Variants in PHACTR2 observed in about 807,000 individuals in gnomAD.
PHACTR2 encodes the protein phosphatase and actin regulator 2, also known as chromosome 6 open reading frame 56.
PHACTR2 carries 30 observed loss-of-function variants against 76.0 expected under a neutral mutation model. The observed-to-expected ratio is 0.39, with a 90% CI of 0.30 to 0.54. The LOEUF is 0.54. PHACTR2 is among the 20% of genes least tolerant of loss of function. PHACTR2 has a pLI of 0.61. For missense variants in PHACTR2, 696 were observed against 781.1 expected (o/e 0.89, Z 1.30); for synonymous variants, 292 against 292.5 (o/e 1.00, Z 0.02).
In PHACTR2 at chr6:143,791,435, G is replaced by A. The variant is rs1421470623; in HGVS notation, c.1845+2525G>A. Among the ~76,000 whole-genome samples, 1 of 152,196 alleles carries A rather than the reference G, an allele frequency of 6.6e-6. No individual in the cohort carries two copies. Among genetic ancestry groups the A allele is most frequent in the Non-Finnish European group, 1.5e-5 (1 of 68,028 alleles). The stretch of plus-strand genomic sequence containing the variant: ...GAATCACCTATAGATCTTTAAGAAT[G>A]TGGATGTCTGGGTCCCATCTCCAGA... On this transcript the variant is annotated intron_variant, in intron 11 of 12. Transcript: ENST00000440869. The surrounding 1 kb of genome is among the most constrained non-coding windows in gnomAD (Gnocchi z 4.7).
Position 143,765,595 on chromosome 6 carries a change from A to G in PHACTR2, c.1029A>G (p.Ala343=), listed in dbSNP as rs767879986. Residue 343 remains alanine (A), a synonymous_variant, in exon 6 of 13, where the codon GCA becomes GCG. Coordinates refer to ENST00000440869, the MANE Select transcript of PHACTR2 (RefSeq NM_001100164.2). This position sits in a 1 kb window ranked among gnomAD's most constrained non-coding sequence, Gnocchi z 4.1. ...TCCCTCCACCCCCTGTGGCTCCAGCACCTTCTCCTCTGGCCCCCCCTCTCC... is the reference window on the plus strand; with the variant it reads ...TCCCTCCACCCCCTGTGGCTCCAGCGCCTTCTCCTCTGGCCCCCCCTCTCC... ...SMVPPPPVAP[A]PSPLAPPLPL... The G allele has an allele frequency of 1.9e-6, 3 of 1,613,794 alleles. No homozygotes were observed. The Admixed American group carries it at 5.0e-5, about 27-fold the overall frequency.
In PHACTR2 at chr6:143,561,197, T is replaced by C. The variant is rs1157537649; in HGVS notation, c.217+23990T>C. ...GACCTTGGCGGGATGCTTGAACCAT[T>C]CTGCCCTTTCAGAAGGTTCTGCCCC... is the stretch of plus-strand genomic sequence containing the variant. On this transcript the variant is annotated intron_variant, in intron 1 of 11. Transcript: ENST00000367584. This position sits in a 1 kb window ranked among gnomAD's most constrained non-coding sequence, Gnocchi z 4.1. 3 of 152,280 alleles carry C rather than the reference T, an allele frequency of 2.0e-5. No individual in the cohort carries two copies. The highest frequency in any genetic ancestry group is 4.4e-5 in the Non-Finnish European group (3 of 68,152). 9.4% of individuals were successfully genotyped at this position (152,280 alleles called of 1,614,324 possible). A position where few individuals can be genotyped will look rare whatever the true frequency, so the allele number is the denominator to read the frequency against.
intron 1 of PHACTR2, among the ~76,000 whole-genome samples, chr6:143,612,818 T>TG (rs1037618568): frequency 2.1e-5 from 2 of 95,384 alleles, no homozygotes; most frequent in Non-Finnish European, 5.7e-5. Context: ...TCCTCTGAAA[T>TG]GCCTTTATGT....
chr6:143,667,696 G>A (rs1315202604), intron 1 of PHACTR2, among the ~76,000 whole-genome samples: 1 of 152,200 alleles, frequency 6.6e-6, no homozygotes, highest in Non-Finnish European at 1.5e-5. Context: ...TGATGTATAG[G>A]AATGCTTATG....
intron 1 of PHACTR2, among the ~76,000 whole-genome samples, chr6:143,615,696 C>A (rs1306606654): frequency 6.6e-6 from 1 of 151,982 alleles, no homozygotes; most frequent in Non-Finnish European, 1.5e-5. Context: ...ATGGAAAGAG[C>A]CTTTCCCATA....
rs557287195 is a variant in PHACTR2 at position 143,652,960 on chromosome 6, G to A, written c.13+44638G>A. Among the ~76,000 whole-genome samples the A allele has an allele frequency of 2.6e-5, 4 of 152,320 alleles. No individual in the cohort carries two copies. The South Asian group carries it at 6.2e-4, about 24-fold the overall frequency. ...TCACATTATTTCCAGCTGGATTGAG[G>A]CTGGAAGCTCCCTGGCAAGCAATAG... On this transcript the variant is annotated intron_variant, in intron 1 of 11. Coordinates refer to the PHACTR2 transcript ENST00000305766. This position sits in a 1 kb window ranked among gnomAD's most constrained non-coding sequence, Gnocchi z 4.5.
chr6:143,805,390 A>G (rs1776041699), intron 11 of PHACTR2, among the ~76,000 whole-genome samples: 1 of 151,586 alleles, frequency 6.6e-6, no homozygotes. Context: ...GAGGCAGGAG[A>G]ATCACTTGAA....
Position 143,652,718 on chromosome 6 carries a change from A to G in PHACTR2, c.13+44396A>G, listed in dbSNP as rs1156700082. 6.6e-6 allele frequency among the ~76,000 whole-genome samples: 1 copy of G among 152,262 alleles called. No homozygotes were observed. The highest frequency in any genetic ancestry group is 1.5e-5 in the Non-Finnish European group (1 of 68,044). On this transcript the variant is annotated intron_variant, in intron 1 of 11. Transcript: ENST00000305766. This position sits in a 1 kb window ranked among gnomAD's most constrained non-coding sequence, Gnocchi z 4.5. The stretch of plus-strand genomic sequence containing the variant: ...GAAGAGCTGAGATTTCACCAGAAAC[A>G]GTGACATTCACACCCAGGGGCTGAA...
rs556190502 is a variant in PHACTR2 at position 143,742,185 on chromosome 6, T to G, written c.215-6800T>G. Among the ~76,000 whole-genome samples, 4 of 149,142 alleles carry G rather than the reference T, an allele frequency of 2.7e-5. No individual in the cohort carries two copies. The highest frequency in any genetic ancestry group is 1.0e-4 in the African/African-American group (4 of 40,040). The stretch of plus-strand genomic sequence containing the variant: ...TCACTGCTGATGAATCATGACAAAC[T>G]TAATGAAAGAGAGAACTCATTGGCT... On this transcript the variant is annotated intron_variant, in intron 2 of 12. Coordinates refer to ENST00000440869, the MANE Select transcript of PHACTR2 (RefSeq NM_001100164.2). The surrounding 1 kb of genome is among the most constrained non-coding windows in gnomAD (Gnocchi z 4.5).
At chr6:143,574,004 G>T (rs1775478738) in intron 1 of PHACTR2, among the ~76,000 whole-genome samples, 1 of 152,200 alleles carries the variant, frequency 6.6e-6, no homozygotes, top group Non-Finnish European at 1.5e-5. Flanking sequence ...GAGCAGCTCA[G>T]CTGGGTTCTC....
At position 143,797,944 on chromosome 6, in the gene PHACTR2, G is replaced by T. The variant is rs947690036; in HGVS notation, c.1845+9034G>T. Among the ~76,000 whole-genome samples the T allele has an allele frequency of 1.6e-4, 24 of 152,184 alleles. 1 individual carries two copies. Among genetic ancestry groups the T allele is most frequent in the Admixed American group, 3.3e-4 (5 of 15,280 alleles). ...TTCCAATTCTGTGAAGAAAGTCAGT[G>T]GTAGCTGGATGGGGATAGCATTGAA... On this transcript the variant is annotated intron_variant, in intron 11 of 12. Coordinates refer to ENST00000440869, the MANE Select transcript of PHACTR2 (RefSeq NM_001100164.2).
At position 143,681,670 on chromosome 6, in the gene PHACTR2, C is replaced by T. The variant is rs76927151; in HGVS notation, c.46+3461C>T. 3.3e-5 allele frequency among the ~76,000 whole-genome samples: 5 copies of T among 152,314 alleles called. No homozygotes were observed. The East Asian group carries it at 9.6e-4, about 29-fold the overall frequency. On this transcript the variant is annotated intron_variant, in intron 1 of 12. Transcript: ENST00000440869. ...TCTGAGAACTACAGCCTAACCAAGG[C>T]AAGAAGACTTACACCTGTGTTTTCT...
chr6:143,749,395 T>G (rs967902784), intron 3 of PHACTR2, among the ~76,000 whole-genome samples: 1 of 152,218 alleles, frequency 6.6e-6, no homozygotes, highest in Non-Finnish European at 1.5e-5. Context: ...AGTCTTTCTA[T>G]TCACATGAAA....
chr6:143,640,301 T>A (rs944336934), intron 1 of PHACTR2, among the ~76,000 whole-genome samples: 2 of 152,232 alleles, frequency 1.3e-5, no homozygotes, highest in Non-Finnish European at 2.9e-5. Flanking sequence ...AAAAGGTCAC[T>A]GTAAAACAGC....
intron 1 of PHACTR2, among the ~76,000 whole-genome samples, chr6:143,638,991 A>G (rs1396414950): frequency 1.3e-5 from 2 of 152,240 alleles, no homozygotes; most frequent in South Asian, 2.1e-4. Flanking sequence ...TATGAATGAC[A>G]TTATCTCCTT....
At position 143,788,809 on chromosome 6, in the gene PHACTR2, C is replaced by T. The variant is rs776490872; in HGVS notation, c.1744C>T (p.Arg582Ter). 2.5e-6 allele frequency: 4 copies of T among 1,613,578 alleles called. No individual in the cohort carries two copies. Among genetic ancestry groups the T allele is most frequent in the Admixed American group, 1.7e-5 (1 of 60,002 alleles). The part of the protein sequence containing the change: ...LRPTVAELQA[R>*]RILRFNEYVE... Reference sequence around the variant, plus strand: ...ACCCACAGTGGCAGAGCTACAAGCTCGAAGGATCCTGCGATTTAACGAGTA... The same window carrying T: ...ACCCACAGTGGCAGAGCTACAAGCTTGAAGGATCCTGCGATTTAACGAGTA... The change falls in exon 11 of 13, where the codon CGA (arginine) becomes TGA (stop). Residue 582 changes from arginine (R) to a stop codon, truncating the protein, a stop_gained. Coordinates refer to ENST00000440869, the MANE Select transcript of PHACTR2 (RefSeq NM_001100164.2). LOFTEE classifies it high-confidence loss of function.
rs77855432 is a variant in PHACTR2 at position 143,732,283 on chromosome 6, C to T, written c.215-16702C>T. ...TAGAAAGAAATCCCATACTCATTAG[C>T]AGTCATTCCCCATTTCACCAGTCTC... On this transcript the variant is annotated intron_variant, in intron 2 of 12. Transcript: ENST00000440869. 2.6e-5 allele frequency among the ~76,000 whole-genome samples: 4 copies of T among 152,312 alleles called. No homozygotes were observed. The East Asian group carries it at 5.8e-4, about 22-fold the overall frequency.
At position 143,543,906 on chromosome 6, in the gene PHACTR2, G is replaced by C. The variant is rs777218985; in HGVS notation, c.217+6699G>C. Among the ~76,000 whole-genome samples the C allele has an allele frequency of 6.6e-6, 1 of 152,214 alleles. No individual in the cohort carries two copies. Among genetic ancestry groups the C allele is most frequent in the Non-Finnish European group, 1.5e-5 (1 of 68,038 alleles). On this transcript the variant is annotated intron_variant, in intron 1 of 11. Coordinates refer to the PHACTR2 transcript ENST00000367584. This position sits in a 1 kb window ranked among gnomAD's most constrained non-coding sequence, Gnocchi z 4.7. ...TGGTAGAAAGAGCACAGACAACTGA[G>C]ATTGGGACTGTCAGGGCTCAGAAAA...
chr6:143,766,437 C>T (rs1299301974), intron 6 of PHACTR2, among the ~76,000 whole-genome samples: 1 of 152,166 alleles, frequency 6.6e-6, no homozygotes, highest in Non-Finnish European at 1.5e-5. Flanking sequence ...GCCATAGGCA[C>T]ACAAAGGATG....
Sources: allele counts gnomAD v4.1 joint callset (sites outside exome capture counted in the v4.1 genomes callset), GRCh38; gene constraint gnomAD v4.1.1; non-coding constraint Gnocchi (gnomAD v3.1); transcripts MANE v1.5; gene names NCBI Gene and HGNC (gene_info 2026-07-23, HGNC 2026-07-21).